The following ARHGAP11B variants were observed in gnomAD, a reference collection of about 807,000 sequenced individuals.
The protein encoded by ARHGAP11B is inactive Rho GTPase-activating protein 11B.
ARHGAP11B carries 14 observed loss-of-function variants against 27.6 expected under a neutral mutation model. The ratio of observed to expected loss-of-function variants is 0.51; its 90% CI spans 0.34 to 0.79. ARHGAP11B has a LOEUF of 0.79. Ranked by LOEUF, ARHGAP11B falls within the 30% of genes least tolerant of loss-of-function variation. The probability of loss-of-function intolerance (pLI) is 0.02; values close to 1 mark genes in which losing one functional copy is unlikely to be tolerated. For missense variants in ARHGAP11B, 245 were observed against 320.1 expected, an observed-to-expected ratio of 0.77 and a Z score of 1.79; for synonymous variants, 82 against 114.1, an observed-to-expected ratio of 0.72 and a Z score of 1.80.
At chr15:30,626,296 A>T (rs977817732) in exon 1 of ARHGAP11B, 2 of 152,564 alleles carry the variant, frequency 1.3e-5, no homozygotes, top group African/African-American at 4.8e-5. Context: ...CCGGGCGGGC[A>T]CCGGGACTGG....
exon 5 of ARHGAP11B, chr15:30,635,155 A>T: frequency 6.2e-7 from 1 of 1,613,508 alleles, no homozygotes; most frequent in Non-Finnish European, 8.5e-7. Flanking sequence ...CAAGTGAAGG[A>T]CATGAAAAGA....
chr15:30,646,220 GT>G lies in ARHGAP11B; in HGVS notation c.*252del, dbSNP rs2060346885. 1.0e-5 allele frequency: 11 copies of G among 1,055,010 alleles called. 1 individual carries two copies. In the East Asian group the frequency reaches 7.2e-4, roughly 69 times the overall value. 65.4% of individuals were successfully genotyped at this position (1,055,010 alleles called of 1,614,324 possible). On this transcript the variant is annotated 3_prime_UTR_variant, in exon 9 of 11. Coordinates refer to ENST00000428041, the Ensembl canonical transcript of ARHGAP11B. Reference sequence around the variant, plus strand: ...AGAGCTCGGGGACCTCCTGAGCCAAGTTTAATCTCCTTTGCTATTTGTGCAT... The same window carrying G: ...AGAGCTCGGGGACCTCCTGAGCCAAGTTAATCTCCTTTGCTATTTGTGCAT...
chr15:30,630,806 G>A (rs755604529), intron 2 of ARHGAP11B, 33 bp downstream of exon 2: 8 of 1,603,662 alleles, frequency 5.0e-6, no homozygotes, highest in Middle Eastern at 1.7e-4. Flanking sequence ...AAGGCCGGGT[G>A]CAGTGGCATA....
chr15:30,632,213 G>C (rs1438594191), intron 2 of ARHGAP11B, among the ~76,000 whole-genome samples: 2 of 42,778 alleles, frequency 4.7e-5, no homozygotes, highest in East Asian at 1.4e-3. Context: ...TTGAGCCCAG[G>C]AGTTCAAGAC....
intron 9 of ARHGAP11B, among the ~76,000 whole-genome samples, chr15:30,646,754 G>A (rs1160091730): frequency 6.6e-6 from 1 of 151,702 alleles, no homozygotes; most frequent in Non-Finnish European, 1.5e-5. Flanking sequence ...TGGATCACCT[G>A]AGGTCAGCAG....
intron 3 of ARHGAP11B, among the ~76,000 whole-genome samples, chr15:30,633,796 G>A (rs1393281239): frequency 2.6e-5 from 4 of 151,222 alleles, no homozygotes; most frequent in Admixed American, 6.6e-5. Context: ...TAAATTCATG[G>A]TCCTTATTTC....
chr15:30,649,060 A>G (rs1595682843), exon 11 of ARHGAP11B: 1 of 152,054 alleles, frequency 6.6e-6, no homozygotes, highest in East Asian at 1.9e-4. Context: ...TCAAACAGAC[A>G]TTCCAAATCA....
chr15:30,634,125 ACT>A, intron 3 of ARHGAP11B, 43 bp from the exon 4 acceptor site: 1 of 1,604,512 alleles, frequency 6.2e-7, no homozygotes. Context: ...TTTGCAATAA[ACT>A]CTTAAGTTGC....
chr15:30,626,721 G>C lies in ARHGAP11B; in HGVS notation c.-100G>C, dbSNP rs1026638176. 3 of 1,496,250 alleles carry C rather than the reference G, an allele frequency of 2.0e-6. No individual in the cohort carries two copies. In the African/African-American group the frequency reaches 4.2e-5, roughly 21 times the overall value. The allele number at this position is 1,496,250 out of a possible 1,614,324, so 92.7% of individuals were successfully genotyped here. ...TGCCAGACGGGGCCGGAAAGCAGCC[G>C]AGCGGAGTTCAAATTTGAGAGCGTT... On this transcript the variant is annotated 5_prime_UTR_variant, in exon 1 of 11. Transcript: ENST00000428041.
chr15:30,628,303 G>A (rs946362843), intron 1 of ARHGAP11B, among the ~76,000 whole-genome samples: 3 of 151,798 alleles, frequency 2.0e-5, no homozygotes, highest in Non-Finnish European at 2.9e-5. Flanking sequence ...GGATGGTCTC[G>A]ATCTCCTGCC....
In ARHGAP11B at chr15:30,633,369, A is replaced by G. The variant is rs531783420; in HGVS notation, c.201-121A>G. ...AAAGTAACATTTCATCTCAAAGACT[A>G]CAGAGATTTGTGGCTTTAGAGCCTC... is the stretch of plus-strand genomic sequence containing the variant. On this transcript the variant is annotated intron_variant, in intron 2 of 10. Transcript: ENST00000428041. The G allele has an allele frequency of 7.3e-5, 54 of 741,748 alleles. 2 individuals are homozygous for G. In the East Asian group the frequency reaches 1.5e-3, roughly 20 times the overall value. The allele number at this position is 741,748 out of a possible 1,614,324, so 45.9% of individuals were successfully genotyped here.
chr15:30,635,542 T>C, exon 6 of ARHGAP11B: 3 of 1,613,238 alleles, frequency 1.9e-6, no homozygotes, highest in Non-Finnish European at 2.5e-6. Flanking sequence ...GTATTGATGG[T>C]CTCTGTGCTA....
intron 2 of ARHGAP11B, among the ~76,000 whole-genome samples, chr15:30,631,675 C>G (rs1341580177): frequency 6.6e-6 from 1 of 152,096 alleles, no homozygotes; most frequent in Non-Finnish European, 1.5e-5. Flanking sequence ...CTCTTGAAAA[C>G]AAATATTGGA....
chr15:30,643,193 C>T (rs1467768428), intron 7 of ARHGAP11B, among the ~76,000 whole-genome samples: 1 of 151,774 alleles, frequency 6.6e-6, no homozygotes, highest in Non-Finnish European at 1.5e-5. Context: ...GTTATGCCCC[C>T]TTAGTCTCAT....
chr15:30,635,638 G>A lies in ARHGAP11B; in HGVS notation c.*3+5G>A, dbSNP rs528237415. 1.2e-5 allele frequency: 19 copies of A among 1,613,282 alleles called. No homozygotes were observed. In the African/African-American group the frequency reaches 2.4e-4, roughly 20 times the overall value. On this transcript the variant is annotated splice_donor_5th_base_variant and intron_variant, in intron 6 of 10. Coordinates refer to ENST00000428041, the Ensembl canonical transcript of ARHGAP11B. Reference sequence around the variant, plus strand: ...AGAGAAGACAACGTGTAGGAGGTAAGTGGTGGTCCCATTTTATGGAGGTAC... The same window carrying A: ...AGAGAAGACAACGTGTAGGAGGTAAATGGTGGTCCCATTTTATGGAGGTAC...
rs562428737 is a variant in ARHGAP11B at position 30,641,041 on chromosome 15, C to T, written c.*78+2221C>T. Among the ~76,000 whole-genome samples, 529 of 151,822 alleles carry T rather than the reference C, an allele frequency of 3.5e-3. 7 individuals are homozygous for T. The highest frequency in any genetic ancestry group is 0.012 in the African/African-American group (498 of 41,432). ...GGAATGAACATACTGATTCCTTCTT[C>T]TCCTCCTCCAAGCTCCCAAAACAGA... On this transcript the variant is annotated intron_variant, in intron 7 of 10. Coordinates refer to ENST00000428041, the Ensembl canonical transcript of ARHGAP11B.
intron 2 of ARHGAP11B, 91 bp from the exon 3 acceptor site, chr15:30,633,399 A>G (rs1463998021): frequency 4.6e-6 from 5 of 1,094,790 alleles, no homozygotes; most frequent in Admixed American, 2.6e-5. Context: ...AGCCTCTGAA[A>G]GGTCTGTAGT....
intron 6 of ARHGAP11B, among the ~76,000 whole-genome samples, chr15:30,637,670 G>A (rs966737718): frequency 2.0e-5 from 3 of 151,882 alleles, no homozygotes; most frequent in Admixed American, 6.6e-5. Context: ...GGAGGCGGAG[G>A]TTGTCGTTGG....
intron 5 of ARHGAP11B, 135 bp downstream of exon 5, chr15:30,635,323 A>C: frequency 6.8e-7 from 1 of 1,460,194 alleles, no homozygotes; most frequent in Non-Finnish European, 9.3e-7. Flanking sequence ...TATGAAGGCA[A>C]CTGTTAGAAA....
Sources: allele counts gnomAD v4.1 joint callset (sites outside exome capture counted in the v4.1 genomes callset), GRCh38; gene constraint gnomAD v4.1.1; transcripts MANE v1.5; gene names NCBI Gene and HGNC (gene_info 2026-07-23, HGNC 2026-07-21).